Variants in IQSEC1 observed in about 807,000 individuals in gnomAD.
IQSEC1 encodes the protein IQ motif and SEC7 domain-containing protein 1.
Under a neutral mutation model 91.0 loss-of-function variants are expected in IQSEC1, and 31 were observed. The ratio of observed to expected loss-of-function variants is 0.34; its 90% CI spans 0.26 to 0.46. The LOEUF is 0.46. IQSEC1 is among the 20% of genes least tolerant of loss of function. The pLI, the probability that IQSEC1 is intolerant of heterozygous loss-of-function variation, is 1.00. For synonymous variants in IQSEC1, 699 were observed against 662.6 expected, an observed-to-expected ratio of 1.05 and a Z score of -0.84; for missense variants, 1,388 against 1,575.6, an observed-to-expected ratio of 0.88 and a Z score of 2.02.
At chr3:13,025,114 G>A (rs976258878) in intron 1 of IQSEC1, among the ~76,000 whole-genome samples, 1 of 152,236 alleles carries the variant, frequency 6.6e-6, no homozygotes, top group Non-Finnish European at 1.5e-5. Context: ...AAAAGCCCCT[G>A]GCACTGCCGG....
At chr3:13,198,899 C>T (rs1694186659) in intron 1 of IQSEC1, among the ~76,000 whole-genome samples, 1 of 152,180 alleles carries the variant, frequency 6.6e-6, no homozygotes, top group Non-Finnish European at 1.5e-5. Context: ...AAAGAAAAAG[C>T]CTGCTGAGGA....
At chr3:12,989,949 G>A (rs1701912538) in intron 1 of IQSEC1, among the ~76,000 whole-genome samples, 1 of 152,160 alleles carries the variant, frequency 6.6e-6, no homozygotes, top group Non-Finnish European at 1.5e-5. Context: ...CCCAGCTGCT[G>A]CTCAAGGATT....
intron 2 of IQSEC1, among the ~76,000 whole-genome samples, chr3:13,087,989 G>A (rs1487733282): frequency 6.6e-6 from 1 of 152,160 alleles, no homozygotes; most frequent in African/African-American, 2.4e-5. Flanking sequence ...TGCTGCCCTG[G>A]GGACTAACTT....
At chr3:13,051,443 C>T (rs1051194293) in intron 1 of IQSEC1, among the ~76,000 whole-genome samples, 31 of 152,046 alleles carry the variant, frequency 2.0e-4, no homozygotes, top group African/African-American at 7.5e-4. Context: ...AGAGCAGCCC[C>T]AGGGAATGGG....
At position 12,992,719 on chromosome 3, in the gene IQSEC1, G is replaced by C. The variant is rs554997906; in HGVS notation, c.24-50854C>G. 7.9e-5 allele frequency among the ~76,000 whole-genome samples: 12 copies of C among 152,326 alleles called. No individual in the cohort carries two copies. Among genetic ancestry groups the C allele is most frequent in the Non-Finnish European group, 1.5e-4 (10 of 68,024 alleles). On this transcript the variant is annotated intron_variant, in intron 1 of 13. Coordinates refer to ENST00000613206, the MANE Select transcript of IQSEC1 (RefSeq NM_001134382.3). This position sits in a 1 kb window ranked among gnomAD's most constrained non-coding sequence, Gnocchi z 4.1. ...CTCACAAAGCTGACCAGGCAGAGCC[G>C]ACTGCTGTCCTTGTGAGCCTCATCT...
chr3:13,047,406 C>T (rs1383894242), intron 1 of IQSEC1: 3 of 870,434 alleles, frequency 3.4e-6, no homozygotes, highest in African/African-American at 3.6e-5. Context: ...GGAGGCCTGC[C>T]TCTGGGTGCA....
chr3:12,972,620 C>G (rs1418400973), intron 1 of IQSEC1, among the ~76,000 whole-genome samples: 1 of 152,226 alleles, frequency 6.6e-6, no homozygotes, highest in African/African-American at 2.4e-5. Flanking sequence ...AATGCTGGGT[C>G]TGCGAGGGAG....
chr3:13,226,473 C>T (rs1025633540), intron 1 of IQSEC1, among the ~76,000 whole-genome samples: 2 of 152,008 alleles, frequency 1.3e-5, no homozygotes, highest in Admixed American at 1.3e-4. Flanking sequence ...AAATTCTTGA[C>T]CCCCCAGGCT....
intron 1 of IQSEC1, among the ~76,000 whole-genome samples, chr3:13,201,254 T>C (rs1694240109): frequency 6.6e-6 from 1 of 152,180 alleles, no homozygotes; most frequent in South Asian, 2.1e-4. Context: ...ACCCACCAGT[T>C]CCCCTGTGCC....
chr3:13,066,786 G>A (rs186973028), intron 1 of IQSEC1, among the ~76,000 whole-genome samples: 3 of 152,366 alleles, frequency 2.0e-5, no homozygotes, highest in East Asian at 1.9e-4. Flanking sequence ...TTCTCTGGGC[G>A]GTAGCTCCAT....
chr3:12,903,581 C>T (rs894943010), intron 12 of IQSEC1, among the ~76,000 whole-genome samples: 8 of 152,238 alleles, frequency 5.3e-5, no homozygotes, highest in Non-Finnish European at 1.0e-4. Context: ...AGTAGGCACT[C>T]GGCATGCGGG....
In IQSEC1 at chr3:13,214,185, A is replaced by G. The variant is rs565476213; in HGVS notation, c.273-50052T>C. Among the ~76,000 whole-genome samples, 13 of 152,310 alleles carry G rather than the reference A, an allele frequency of 8.5e-5. No individual in the cohort carries two copies. In the South Asian group the frequency reaches 2.1e-3, roughly 24 times the overall value. ...AAGGGTCCCAACCCTTAACGCGACG[A>G]ACCCCTCTCTTACCCTTCTAGTCGC... On this transcript the variant is annotated intron_variant, in intron 1 of 15. Coordinates refer to the IQSEC1 transcript ENST00000648114. The surrounding 1 kb of genome is among the most constrained non-coding windows in gnomAD (Gnocchi z 4.5).
chr3:13,239,819 C>T (rs1473488724), intron 1 of IQSEC1, among the ~76,000 whole-genome samples: 2 of 152,190 alleles, frequency 1.3e-5, no homozygotes, highest in Admixed American at 6.5e-5. Flanking sequence ...CGAAGAGGCC[C>T]CAGCGCAGCC....
chr3:13,269,770 A>G (rs1695561637), intron 1 of IQSEC1, among the ~76,000 whole-genome samples: 1 of 152,258 alleles, frequency 6.6e-6, no homozygotes, highest in African/African-American at 2.4e-5. Context: ...GAAGTGACAG[A>G]GCCCAGTCTG....
Position 13,210,009 on chromosome 3 carries a change from C to T in IQSEC1, c.273-45876G>A, listed in dbSNP as rs565698998. On this transcript the variant is annotated intron_variant, in intron 1 of 15. Transcript: ENST00000648114. ...CTCAGGAGTCTCAGCCCAGCAATGT[C>T]ATAGGCTCACTGTGTGACCTTGAGC... Among the ~76,000 whole-genome samples, 15 of 152,254 alleles carry T rather than the reference C, an allele frequency of 9.9e-5. 1 individual carries two copies. In the South Asian group the frequency reaches 3.1e-3, roughly 32 times the overall value.
upstream of IQSEC1, among the ~76,000 whole-genome samples, chr3:13,073,562 T>G (rs890643821): frequency 1.3e-5 from 2 of 151,104 alleles, no homozygotes; most frequent in Admixed American, 6.6e-5. Context: ...GCCGCTCGGC[T>G]GCGCCCTCGC....
intron 1 of IQSEC1, among the ~76,000 whole-genome samples, chr3:13,165,676 TG>T (rs1693481990): frequency 6.6e-6 from 1 of 151,224 alleles, no homozygotes; most frequent in South Asian, 2.1e-4. Flanking sequence ...GAGGCCCAGG[TG>T]GTGAGGACCT....
intron 1 of IQSEC1, among the ~76,000 whole-genome samples, chr3:13,055,614 A>C (rs1157465236): frequency 6.6e-6 from 1 of 151,992 alleles, no homozygotes; most frequent in African/African-American, 2.4e-5. Flanking sequence ...GCAGGGGCAC[A>C]GGCAAAATAC....
chr3:13,107,851 C>T (rs937459832), intron 2 of IQSEC1, among the ~76,000 whole-genome samples: 1 of 152,214 alleles, frequency 6.6e-6, no homozygotes, highest in South Asian at 2.1e-4. Flanking sequence ...TCCGGAACGC[C>T]CAGCGGCCTG....
Sources: allele counts gnomAD v4.1 joint callset (sites outside exome capture counted in the v4.1 genomes callset), GRCh38; gene constraint gnomAD v4.1.1; non-coding constraint Gnocchi (gnomAD v3.1); transcripts MANE v1.5; gene names NCBI Gene and HGNC (gene_info 2026-07-23, HGNC 2026-07-21).